The following MLLT10 variants were observed in gnomAD, a reference collection of about 807,000 sequenced individuals.
The protein encoded by MLLT10 is MLLT10 histone lysine methyltransferase DOT1L cofactor, also known as protein AF-10.
Under a neutral mutation model 129.1 loss-of-function variants are expected in MLLT10, and 30 were observed. That is an observed-to-expected ratio of 0.23 (90% CI 0.17 to 0.32). The LOEUF is 0.32. Ranked by LOEUF, MLLT10 falls within the 10% of genes least tolerant of loss-of-function variation. The probability of loss-of-function intolerance (pLI) is 1.00; values close to 1 mark genes in which losing one functional copy is unlikely to be tolerated. For missense variants in MLLT10, 1,119 were observed against 1,268.3 expected (o/e 0.88, Z 1.79); for synonymous variants, 490 against 446.4 (o/e 1.10, Z -1.23).
chr10:21,537,973 A>G (rs1331396928), intron 2 of MLLT10, among the ~76,000 whole-genome samples: 1 of 151,968 alleles, frequency 6.6e-6, no homozygotes, highest in African/African-American at 2.4e-5. Flanking sequence ...CATTTGGAGC[A>G]TTCACATCAT....
At chr10:21,727,410 G>A (rs1831773010) in intron 15 of MLLT10, among the ~76,000 whole-genome samples, 1 of 151,956 alleles carries the variant, frequency 6.6e-6, no homozygotes, top group African/African-American at 2.4e-5. Context: ...TTTAGTCTTG[G>A]TGTGCAGCTC....
At chr10:21,587,781 C>T (rs537775268) in intron 4 of MLLT10, among the ~76,000 whole-genome samples, 1 of 152,306 alleles carries the variant, frequency 6.6e-6, no homozygotes, top group South Asian at 2.1e-4. Context: ...GTTTAATCTT[C>T]AGACTATGTT....
intron 8 of MLLT10, among the ~76,000 whole-genome samples, chr10:21,641,456 A>T (rs2047994803): frequency 6.6e-6 from 1 of 152,198 alleles, no homozygotes; most frequent in Non-Finnish European, 1.5e-5. Context: ...TTGGCTGTAT[A>T]GATGGAAAAG....
chr10:21,644,295 A>G (rs1270610777), intron 8 of MLLT10, among the ~76,000 whole-genome samples: 1 of 152,070 alleles, frequency 6.6e-6, no homozygotes, highest in Non-Finnish European at 1.5e-5. Context: ...ACAGTTTTTA[A>G]AATGTTGTTT....
At chr10:21,739,892 A>G (rs1464965027) in intron 21 of MLLT10, 138 bp from the exon 22 acceptor site, 5 of 686,496 alleles carry the variant, frequency 7.3e-6, no homozygotes, top group South Asian at 3.9e-5. Context: ...CTAGTGCAGC[A>G]TATTTTTCTA....
intron 14 of MLLT10, among the ~76,000 whole-genome samples, chr10:21,717,482 TTCCTCCTCCTCCTCC>T (rs766780330): frequency 1.5e-3 from 169 of 115,348 alleles, no homozygotes; most frequent in African/African-American, 6.2e-3. Flanking sequence ...TATTCTTATA[TTCCTCCTCCTCCTCC>T]TCCTCCTCCT....
intron 13 of MLLT10, among the ~76,000 whole-genome samples, chr10:21,704,787 T>G (rs2055337066): frequency 6.6e-6 from 1 of 152,188 alleles, no homozygotes; most frequent in Non-Finnish European, 1.5e-5. Flanking sequence ...TCTGGATGTG[T>G]GCAGTCATGT....
intron 8 of MLLT10, among the ~76,000 whole-genome samples, chr10:21,641,800 C>G (rs958358350): frequency 3.9e-5 from 6 of 152,184 alleles, no homozygotes; most frequent in Non-Finnish European, 8.8e-5. Context: ...TGATGGAATA[C>G]TCAAATCAGA....
chr10:21,557,116 G>C, intron 3 of MLLT10: 1 of 1,390,138 alleles, frequency 7.2e-7, no homozygotes, highest in Non-Finnish European at 9.3e-7. Flanking sequence ...TTACATTTTT[G>C]CCCTTTTGTC....
intron 8 of MLLT10, chr10:21,626,426 A>C (rs2046442263): frequency 1.6e-6 from 1 of 607,964 alleles, no homozygotes. Flanking sequence ...AAGGGGAAGC[A>C]GGTACGTGTG....
intron 9 of MLLT10, 56 bp from the exon 10 acceptor site, chr10:21,670,393 C>G: frequency 6.6e-7 from 1 of 1,504,958 alleles, no homozygotes; most frequent in Non-Finnish European, 8.9e-7. Context: ...CCATTGTTTT[C>G]TGTAACTAAA....
At position 21,540,260 on chromosome 10, in the gene MLLT10, G is replaced by A. The variant is rs184446276; in HGVS notation, c.240+1348G>A. Among the ~76,000 whole-genome samples, 18 of 152,056 alleles carry A rather than the reference G, an allele frequency of 1.2e-4. 1 individual carries two copies. Among genetic ancestry groups the A allele is most frequent in the Admixed American group, 7.2e-4 (11 of 15,270 alleles). ...CAAAAAATTAACTGGATGTGGCAGC[G>A]CGTGCCTATAGTCTAGCTACTCTGG... On this transcript the variant is annotated intron_variant, in intron 3 of 22. Transcript: ENST00000307729.
intron 15 of MLLT10, 85 bp from the exon 16 acceptor site, chr10:21,727,771 T>G: frequency 2.0e-6 from 2 of 995,084 alleles, no homozygotes; most frequent in Non-Finnish European, 3.1e-6. Flanking sequence ...GTTTAATGTA[T>G]GTTTTAGGAA....
intron 13 of MLLT10, among the ~76,000 whole-genome samples, chr10:21,685,481 C>T (rs1391964459): frequency 6.6e-6 from 1 of 151,910 alleles, no homozygotes; most frequent in Non-Finnish European, 1.5e-5. Context: ...ATTACAGGCG[C>T]CCACCACCAT....
rs558391745 is a variant in MLLT10, at chr10:21,609,694, C to T, written c.406-2654C>T. Among the ~76,000 whole-genome samples, 54 of 152,310 alleles carry T rather than the reference C, an allele frequency of 3.5e-4. 3 individuals are homozygous for T. In the South Asian group the frequency reaches 0.011, roughly 31 times the overall value. On this transcript the variant is annotated intron_variant, in intron 5 of 22. Transcript: ENST00000307729. ...CTTGTTTCTCCTTGTAACTATCGTT[C>T]TTGTCCTAATTGCTAACAAGTGTCC...
intron 3 of MLLT10, among the ~76,000 whole-genome samples, chr10:21,550,584 T>A (rs886939588): frequency 2.0e-5 from 3 of 152,154 alleles, no homozygotes; most frequent in African/African-American, 7.2e-5. Context: ...CAGGCTAGAG[T>A]GCAGTGATGC....
intron 2 of MLLT10, 38 bp downstream of exon 2, chr10:21,534,842 C>T (rs1349554115): frequency 2.0e-6 from 3 of 1,504,604 alleles, no homozygotes; most frequent in African/African-American, 1.4e-5. Flanking sequence ...CGCCGGCCTG[C>T]GCCCAACGGT....
At chr10:21,613,761 C>T (rs368017061) in intron 6 of MLLT10, among the ~76,000 whole-genome samples, 6 of 151,872 alleles carry the variant, frequency 4.0e-5, no homozygotes, top group East Asian at 1.9e-4. Context: ...AGAAATTAGC[C>T]GGGCATGGTG....
intron 17 of MLLT10, among the ~76,000 whole-genome samples, chr10:21,732,173 C>T (rs187860693): frequency 3.3e-5 from 5 of 152,248 alleles, no homozygotes; most frequent in Admixed American, 1.3e-4. Context: ...TAAACAAATA[C>T]AACTTTTTAG....
Sources: gnomAD v4.1 joint callset for allele counts (sites outside exome capture counted in the v4.1 genomes callset) on GRCh38, gnomAD v4.1.1 for gene constraint, MANE v1.5 for transcripts, NCBI Gene and HGNC (gene_info 2026-07-23, HGNC 2026-07-21) for gene names.